Variants in CEP192 observed in about 807,000 individuals in gnomAD.
CEP192 encodes the protein centrosomal protein 192.
A neutral mutation model predicts 271.8 loss-of-function variants in CEP192; 151 were observed. That is an observed-to-expected ratio of 0.56 (90% CI 0.49 to 0.64). The LOEUF (loss-of-function observed/expected upper bound fraction) is 0.64. Among genes scored for constraint, CEP192 ranks in the 30% least tolerant of loss-of-function variants. The probability of loss-of-function intolerance (pLI) is 0.00; values close to 1 mark genes in which losing one functional copy is unlikely to be tolerated. For synonymous variants in CEP192, 995 were observed against 1,076.5 expected, an observed-to-expected ratio of 0.92 and a Z score of 1.48; for missense variants, 2,910 against 3,020.5, an observed-to-expected ratio of 0.96 and a Z score of 0.86.
intron 42 of CEP192, among the ~76,000 whole-genome samples, chr18:13,115,179 G>T (rs1435508625): frequency 2.0e-5 from 3 of 152,168 alleles, no homozygotes; most frequent in Admixed American, 2.0e-4. Flanking sequence ...GTTATCCCTT[G>T]CTTCTCTCTT....
chr18:13,005,474 T>C (rs8097125), intron 3 of CEP192, among the ~76,000 whole-genome samples: 108,320 of 152,046 alleles, frequency 0.71, 39,716 homozygotes, highest in African/African-American at 0.89. Flanking sequence ...GTGAGGAAAC[T>C]GCAAATGTCA....
At chr18:13,065,748 A>G (rs559745268) in intron 21 of CEP192, among the ~76,000 whole-genome samples, 2 of 152,360 alleles carry the variant, frequency 1.3e-5, no homozygotes, top group East Asian at 3.9e-4. Flanking sequence ...GGCAGAAAAA[A>G]GTTAAATTAA....
intron 15 of CEP192, among the ~76,000 whole-genome samples, chr18:13,045,969 T>C (rs1305027980): frequency 6.6e-6 from 1 of 152,228 alleles, no homozygotes; most frequent in Non-Finnish European, 1.5e-5. Context: ...CTGTTGGATT[T>C]TGCTTTTCAA....
In CEP192 at chr18:13,068,895, C is replaced by T. The variant is rs527904087; in HGVS notation, c.4866C>T (p.Ile1622=). The T allele has an allele frequency of 1.1e-5, 18 of 1,614,002 alleles. 1 individual carries two copies. The highest frequency in any genetic ancestry group is 1.6e-4 in the Middle Eastern group (1 of 6,084). ...SAEEFSAKVD[I]EVDSPNPTPV... Reference sequence around the variant, plus strand: ...AAGAATTCTCGGCAAAAGTTGATATCGAAGTTGACAGCCCAAACCCTACGC... The same window carrying T: ...AAGAATTCTCGGCAAAAGTTGATATTGAAGTTGACAGCCCAAACCCTACGC... The change falls in exon 25 of 45, where the codon ATC becomes ATT. Residue 1622 remains isoleucine (I), a synonymous_variant. Transcript: ENST00000506447.
intron 21 of CEP192, among the ~76,000 whole-genome samples, chr18:13,064,850 T>C (rs1309549131): frequency 6.6e-6 from 1 of 152,142 alleles, no homozygotes; most frequent in Non-Finnish European, 1.5e-5. Flanking sequence ...TAAGATTTTG[T>C]TTTTCTATTT....
At chr18:13,000,140 T>C (rs2033548636) in intron 2 of CEP192, among the ~76,000 whole-genome samples, 2 of 147,718 alleles carry the variant, frequency 1.4e-5, no homozygotes, top group South Asian at 4.3e-4. Flanking sequence ...AAATATTTTA[T>C]AGAGATAGGG....
At chr18:13,052,191 G>A (rs181000185) in intron 17 of CEP192, among the ~76,000 whole-genome samples, 50 of 152,284 alleles carry the variant, frequency 3.3e-4, no homozygotes, top group Admixed American at 1.2e-3. Flanking sequence ...AGATAGATGT[G>A]AGACTCACTA....
rs752170524 is a variant in CEP192 at position 13,092,433 on chromosome 18, A to G, written c.6160A>G (p.Lys2054Glu). ...DVQLFYGSMCKIILSVIGEFR... is the reference protein window; with the variant it reads ...DVQLFYGSMCEIILSVIGEFR... ...TCAGCTCTTTTATGGAAGCATGTGTAAAATTATACTTTCAGTAATTGGAGA... is the reference window on the plus strand; with the variant it reads ...TCAGCTCTTTTATGGAAGCATGTGTGAAATTATACTTTCAGTAATTGGAGA... The change falls in exon 34 of 45, where the codon AAA becomes GAA. Residue 2054 changes from lysine (K) to glutamate (E), a missense_variant. Transcript: ENST00000506447. 5.0e-6 allele frequency: 8 copies of G among 1,605,002 alleles called. No homozygotes were observed. In the South Asian group the frequency reaches 8.9e-5, roughly 18 times the overall value.
intron 34 of CEP192, among the ~76,000 whole-genome samples, chr18:13,095,230 A>G (rs2039334122): frequency 6.6e-6 from 1 of 151,982 alleles, no homozygotes; most frequent in South Asian, 2.1e-4. Flanking sequence ...TCAAACTCCT[A>G]GCCTTAAGCA....
chr18:13,083,869 C>T (rs2038755298), intron 30 of CEP192, among the ~76,000 whole-genome samples: 1 of 152,162 alleles, frequency 6.6e-6, no homozygotes. Context: ...TTCTAAGAGT[C>T]AGGTCCCTCA....
intron 42 of CEP192, among the ~76,000 whole-genome samples, chr18:13,115,193 C>T (rs2040372185): frequency 1.3e-5 from 2 of 152,214 alleles, no homozygotes; most frequent in Non-Finnish European, 1.5e-5. Context: ...CTCTCTTGCT[C>T]TCTGAGCCCC....
At chr18:13,073,480 G>T (rs938336217) in intron 30 of CEP192, among the ~76,000 whole-genome samples, 2 of 152,232 alleles carry the variant, frequency 1.3e-5, no homozygotes, top group Non-Finnish European at 2.9e-5. Context: ...GTAAATCCAT[G>T]TGGAGCTGTT....
intron 4 of CEP192, among the ~76,000 whole-genome samples, chr18:13,009,782 G>A (rs753825488): frequency 6.6e-5 from 10 of 152,198 alleles, no homozygotes; most frequent in Non-Finnish European, 1.0e-4. Flanking sequence ...GCAGCAAGCC[G>A]AGATCGTGCC....
chr18:13,072,431 G>A (rs535776935), intron 28 of CEP192, among the ~76,000 whole-genome samples: 2 of 152,230 alleles, frequency 1.3e-5, no homozygotes, highest in East Asian at 1.9e-4. Flanking sequence ...TTAATGACTC[G>A]ATGAATTTCT....
intron 21 of CEP192, among the ~76,000 whole-genome samples, chr18:13,060,524 G>A (rs932141905): frequency 4.6e-5 from 7 of 152,116 alleles, no homozygotes; most frequent in African/African-American, 1.7e-4. Flanking sequence ...ATATCACAAG[G>A]TGTTAGGAAT....
intron 1 of CEP192, among the ~76,000 whole-genome samples, chr18:12,996,929 C>T (rs904604487): frequency 2.6e-5 from 4 of 151,850 alleles, no homozygotes; most frequent in Non-Finnish European, 4.4e-5. Context: ...GAACTGGATG[C>T]CAGTCATGAT....
chr18:13,034,435 G>C (rs2035801235), intron 11 of CEP192, among the ~76,000 whole-genome samples: 1 of 152,102 alleles, frequency 6.6e-6, no homozygotes, highest in South Asian at 2.1e-4. Flanking sequence ...TGGAAAAAAG[G>C]GTGTAATCTT....
Position 12,999,466 on chromosome 18 carries a change from C to T in CEP192, c.42C>T (p.Ser14=), listed in dbSNP as rs151161485. The change falls in exon 2 of 45, where the codon AGC becomes AGT. Residue 14 remains serine, a synonymous_variant. Transcript: ENST00000506447. The part of the protein sequence containing the change: ...FRGIAEESFP[S]FLTNSLFGNS... ...GTATAGCAGAAGAATCATTTCCAAG[C>T]TTTCTCACCAATTCATTATTTGGTA... is the stretch of plus-strand genomic sequence containing the variant. 3.8e-5 allele frequency: 59 copies of T among 1,549,264 alleles called. No homozygotes were observed. The African/African-American group carries it at 5.1e-4, about 13-fold the overall frequency.
chr18:13,100,885 A>G (rs1479641130), intron 38 of CEP192, among the ~76,000 whole-genome samples: 2 of 152,206 alleles, frequency 1.3e-5, no homozygotes, highest in African/African-American at 4.8e-5. Flanking sequence ...GACAGGTCCA[A>G]TAGACTTGCT....
Sources: gnomAD v4.1 joint callset for allele counts (sites outside exome capture counted in the v4.1 genomes callset) on GRCh38, gnomAD v4.1.1 for gene constraint, MANE v1.5 for transcripts, NCBI Gene and HGNC (gene_info 2026-07-23, HGNC 2026-07-21) for gene names.